Variants in FBXL7 observed in about 807,000 individuals in gnomAD.
FBXL7 encodes the protein F-box/LRR-repeat protein 7.
A neutral mutation model predicts 38.3 loss-of-function variants in FBXL7; 12 were observed. The observed-to-expected ratio is 0.31, with a 90% confidence interval of 0.20 to 0.51. The LOEUF is 0.51. Among genes scored for constraint, FBXL7 ranks in the 20% least tolerant of loss-of-function variants. The pLI, the probability that FBXL7 is intolerant of heterozygous loss-of-function variation, is 0.98. For synonymous variants in FBXL7, 297 were observed against 300.9 expected, an observed-to-expected ratio of 0.99 and a Z score of 0.13; for missense variants, 567 against 676.4, an observed-to-expected ratio of 0.84 and a Z score of 1.79.
At position 15,516,096 on chromosome 5, in the gene FBXL7, C is replaced by CT. The variant is rs200960851; in HGVS notation, c.37+15392dup. Among the ~76,000 whole-genome samples the CT allele has an allele frequency of 1.8e-3, 278 of 151,512 alleles. 2 individuals are homozygous for CT. Among genetic ancestry groups the CT allele is most frequent in the African/African-American group, 5.2e-3 (213 of 41,346 alleles). ...ATTGTCTGTAAATTAACTCAAAATT[C>CT]TTTTTTTTTGATACACCGAGTACTT... On this transcript the variant is annotated intron_variant, in intron 1 of 3. Transcript: ENST00000504595.
At chr5:15,544,458 A>C (rs919363977) in intron 1 of FBXL7, among the ~76,000 whole-genome samples, 6 of 152,116 alleles carry the variant, frequency 3.9e-5, no homozygotes, top group African/African-American at 1.4e-4. Context: ...CATTTTGACA[A>C]TTACTGTTTT....
At chr5:15,643,852 T>C (rs973853059) in intron 2 of FBXL7, among the ~76,000 whole-genome samples, 1 of 152,222 alleles carries the variant, frequency 6.6e-6, no homozygotes, top group African/African-American at 2.4e-5. Flanking sequence ...GGGGTTCATG[T>C]GAGGCCATGT....
chr5:15,697,145 A>T (rs1743366285), intron 2 of FBXL7, among the ~76,000 whole-genome samples: 2 of 152,170 alleles, frequency 1.3e-5, no homozygotes, highest in Admixed American at 1.3e-4. Context: ...AGGTTTTTGT[A>T]CATGTAAGAT....
chr5:15,815,903 A>G (rs1029069456), intron 2 of FBXL7, among the ~76,000 whole-genome samples: 2 of 152,174 alleles, frequency 1.3e-5, no homozygotes, highest in African/African-American at 4.8e-5. Flanking sequence ...CTATGAAAAT[A>G]TGTTTATATG....
At chr5:15,655,701 C>T (rs1007357110) in intron 2 of FBXL7, among the ~76,000 whole-genome samples, 2 of 152,078 alleles carry the variant, frequency 1.3e-5, no homozygotes, top group African/African-American at 2.4e-5. Flanking sequence ...CCATTTCTTG[C>T]GGTCTTAGGA....
intron 1 of FBXL7, among the ~76,000 whole-genome samples, chr5:15,594,006 A>G (rs1332033279): frequency 6.6e-6 from 1 of 152,208 alleles, no homozygotes; most frequent in Non-Finnish European, 1.5e-5. Context: ...TTATGGTTCA[A>G]CATTATACTA....
intron 2 of FBXL7, among the ~76,000 whole-genome samples, chr5:15,809,602 A>T (rs1301086304): frequency 6.6e-6 from 1 of 152,132 alleles, no homozygotes; most frequent in Non-Finnish European, 1.5e-5. Flanking sequence ...TAAAATAATC[A>T]TTCGTGCACA....
intron 2 of FBXL7, among the ~76,000 whole-genome samples, chr5:15,754,534 G>A (rs1462599075): frequency 1.3e-5 from 2 of 152,088 alleles, no homozygotes; most frequent in Non-Finnish European, 2.9e-5. Context: ...TATTGGATAC[G>A]GGAAAAAGAA....
At chr5:15,513,543 C>A (rs1391861087) in intron 1 of FBXL7, among the ~76,000 whole-genome samples, 1 of 152,142 alleles carries the variant, frequency 6.6e-6, no homozygotes, top group Non-Finnish European at 1.5e-5. Context: ...TATCTGCCTG[C>A]AGCTGTATGT....
At position 15,936,951 on chromosome 5, in the gene FBXL7, T is replaced by C. The variant is rs1238034691; in HGVS notation, c.1241T>C (p.Leu414Ser). 1 of 1,614,052 alleles carries C rather than the reference T, an allele frequency of 6.2e-7. No individual in the cohort carries two copies. Among genetic ancestry groups the C allele is most frequent in the East Asian group, 2.2e-5 (1 of 44,868 alleles). The change falls in exon 4 of 4, where the codon TTG becomes TCG. Residue 414 changes from leucine (L) to serine (S), a missense_variant. By Grantham distance (145) the Leu-to-Ser change is moderately radical (BLOSUM62 -2). Transcript: ENST00000504595. The surrounding 1 kb of genome is among the most constrained non-coding windows in gnomAD (Gnocchi z 6.0). ...LKSLDIGKCP[L>S]VSDTGLECLA... The stretch of plus-strand genomic sequence containing the variant: ...TCCCTGGATATCGGCAAATGCCCTT[T>C]GGTATCCGACACGGGCCTGGAGTGC...
chr5:15,774,919 T>G (rs1684571805), intron 2 of FBXL7, among the ~76,000 whole-genome samples: 3 of 152,126 alleles, frequency 2.0e-5, no homozygotes, highest in Non-Finnish European at 4.4e-5. Context: ...GTTTAGAAAT[T>G]CCAAAGTAGG....
intron 2 of FBXL7, among the ~76,000 whole-genome samples, chr5:15,723,974 A>G (rs1744272304): frequency 6.6e-6 from 1 of 152,180 alleles, no homozygotes; most frequent in Non-Finnish European, 1.5e-5. Context: ...TTGGAAGGGC[A>G]ATCCCCTCAG....
In FBXL7 at chr5:15,809,528, G is replaced by C. The variant is rs572229823; in HGVS notation, c.128-118362G>C. Among the ~76,000 whole-genome samples, 3 of 152,274 alleles carry C rather than the reference G, an allele frequency of 2.0e-5. No individual in the cohort carries two copies. The East Asian group carries it at 5.8e-4, about 29-fold the overall frequency. On this transcript the variant is annotated intron_variant, in intron 2 of 3. Transcript: ENST00000504595. ...GTTTTGGCACTGAGCCTAATATAGAGTGGACATTCAATAACTATTAGCCTT... is the reference window on the plus strand; with the variant it reads ...GTTTTGGCACTGAGCCTAATATAGACTGGACATTCAATAACTATTAGCCTT...
chr5:15,844,137 T>A (rs1383645788), intron 2 of FBXL7, among the ~76,000 whole-genome samples: 2 of 152,058 alleles, frequency 1.3e-5, no homozygotes, highest in East Asian at 1.9e-4. Context: ...AGGTGGGAAA[T>A]TTGGATGTCT....
intron 1 of FBXL7, among the ~76,000 whole-genome samples, chr5:15,615,769 A>G (rs1740425949): frequency 1.3e-5 from 2 of 152,246 alleles, no homozygotes; most frequent in African/African-American, 2.4e-5. Flanking sequence ...AAGCTATATT[A>G]TAAGAAGACT....
intron 2 of FBXL7, among the ~76,000 whole-genome samples, chr5:15,730,970 C>T (rs1041759797): frequency 6.6e-6 from 1 of 152,052 alleles, no homozygotes. Context: ...AAGATGTTAA[C>T]AGGTGTTTTA....
rs1171760919 is a variant in FBXL7 at position 15,936,268 on chromosome 5, T to C, written c.740-182T>C. 6.6e-6 allele frequency among the ~76,000 whole-genome samples: 1 copy of C among 152,250 alleles called. No individual in the cohort carries two copies. Among genetic ancestry groups the C allele is most frequent in the African/African-American group, 2.4e-5 (1 of 41,474 alleles). On this transcript the variant is annotated intron_variant, in intron 3 of 3. Transcript: ENST00000504595. The surrounding 1 kb of genome is among the most constrained non-coding windows in gnomAD (Gnocchi z 6.0). ...AGATAATAGAAATAATGTAGTTAAA[T>C]AATCAGATAAATATGGGGAACCCAT...
intron 2 of FBXL7, among the ~76,000 whole-genome samples, chr5:15,924,388 A>G (rs917289105): frequency 6.6e-6 from 1 of 152,230 alleles, no homozygotes; most frequent in African/African-American, 2.4e-5. Context: ...AGAAACAAGG[A>G]AAGGATGTAA....
intron 1 of FBXL7, among the ~76,000 whole-genome samples, chr5:15,568,177 C>T (rs1738648891): frequency 1.3e-5 from 2 of 152,020 alleles, no homozygotes; most frequent in Non-Finnish European, 2.9e-5. Flanking sequence ...GCCACACTGA[C>T]TTCCACAATG....
Sources: allele counts gnomAD v4.1 joint callset (sites outside exome capture counted in the v4.1 genomes callset), GRCh38; gene constraint gnomAD v4.1.1; non-coding constraint Gnocchi (gnomAD v3.1); transcripts MANE v1.5; gene names NCBI Gene and HGNC (gene_info 2026-07-23, HGNC 2026-07-21).